The following SENP7 variants were observed in gnomAD, a reference collection of about 807,000 sequenced individuals.
SENP7 encodes sentrin-specific protease 7.
SENP7 carries 64 observed loss-of-function variants against 141.2 expected under a neutral mutation model. The observed-to-expected ratio is 0.45, with a 90% CI of 0.37 to 0.56. The LOEUF (loss-of-function observed/expected upper bound fraction) is 0.56. Among genes scored for constraint, SENP7 ranks in the 20% least tolerant of loss-of-function variants. SENP7 has a pLI of 0.00. For missense variants in SENP7, 1,025 were observed against 1,212.2 expected (o/e 0.85, Z 2.29); for synonymous variants, 382 against 426.4 (o/e 0.90, Z 1.28).
chr3:101,506,975 A>G (rs1255601263), intron 1 of SENP7, among the ~76,000 whole-genome samples: 1 of 151,552 alleles, frequency 6.6e-6, no homozygotes, highest in East Asian at 1.9e-4. Context: ...GTAGGAGGAT[A>G]GCCTGAGCCC....
intron 4 of SENP7, among the ~76,000 whole-genome samples, chr3:101,444,044 A>G (rs879719583): frequency 1.4e-5 from 2 of 143,718 alleles, no homozygotes. Flanking sequence ...CAAATTTACA[A>G]GAAAAAAACA....
chr3:101,365,044 A>T (rs1025151594), intron 9 of SENP7, 53 bp from the exon 10 acceptor site: 115 of 1,178,710 alleles, frequency 9.8e-5, no homozygotes, highest in African/African-American at 8.2e-4. Context: ...TTATTTATTT[A>T]TTTTTTGAGA....
At chr3:101,462,761 G>C (rs1576427831) in intron 3 of SENP7, among the ~76,000 whole-genome samples, 1 of 151,798 alleles carries the variant, frequency 6.6e-6, no homozygotes, top group South Asian at 2.1e-4. Flanking sequence ...CCAGCTACTG[G>C]GGAGGCTGAG....
chr3:101,349,017 C>G (rs149887003), intron 12 of SENP7, among the ~76,000 whole-genome samples: 1 of 152,154 alleles, frequency 6.6e-6, no homozygotes, highest in Non-Finnish European at 1.5e-5. Context: ...GTATCAGCAA[C>G]ATCTGGAAGA....
intron 6 of SENP7, among the ~76,000 whole-genome samples, chr3:101,381,872 T>G (rs1454431587): frequency 6.6e-6 from 1 of 152,218 alleles, no homozygotes; most frequent in Non-Finnish European, 1.5e-5. Context: ...TAGAGTATCT[T>G]CTTTAGTGTT....
At chr3:101,401,292 G>T (rs2061133848) in intron 5 of SENP7, among the ~76,000 whole-genome samples, 1 of 151,934 alleles carries the variant, frequency 6.6e-6, no homozygotes, top group Non-Finnish European at 1.5e-5. Context: ...ACTTAGGGAG[G>T]CTGAGGCAGG....
At chr3:101,507,060 CAA>C (rs11315312) in intron 1 of SENP7, among the ~76,000 whole-genome samples, 66 of 89,006 alleles carry the variant, frequency 7.4e-4, no homozygotes, top group Admixed American at 1.9e-3. Context: ...GATCCCATCT[CAA>C]AAAAAAAAAA....
At chr3:101,428,675 T>C (rs1236272980) in intron 4 of SENP7, among the ~76,000 whole-genome samples, 3 of 152,230 alleles carry the variant, frequency 2.0e-5, no homozygotes, top group Admixed American at 6.5e-5. Context: ...ATAGTTTCTT[T>C]TGCTGTGCAG....
intron 4 of SENP7, among the ~76,000 whole-genome samples, chr3:101,418,962 A>G (rs1194112356): frequency 2.0e-5 from 3 of 152,208 alleles, no homozygotes; most frequent in African/African-American, 7.2e-5. Context: ...CTACAAACAA[A>G]ATAGTTGAGT....
At chr3:101,337,078 A>G (rs1288786491) in intron 17 of SENP7, 1 of 152,416 alleles carries the variant, frequency 6.6e-6, no homozygotes, top group Non-Finnish European at 1.5e-5. Flanking sequence ...GCAGAGGAGG[A>G]AACTGCTATA....
rs183513818 is a variant in SENP7, at chr3:101,428,096, T to C, written c.285-10306A>G. 6.1e-4 allele frequency among the ~76,000 whole-genome samples: 93 copies of C among 152,378 alleles called. 1 individual carries two copies. Among genetic ancestry groups the C allele is most frequent in the African/African-American group, 2.0e-3 (85 of 41,590 alleles). ...CATGTTTTCTTTATCCAGTCTATCA[T>C]TGATGGGCATTCGGGTTGGTTCCAA... On this transcript the variant is annotated intron_variant, in intron 4 of 23. Coordinates refer to ENST00000394095, the MANE Select transcript of SENP7 (RefSeq NM_020654.5).
rs567641276 is a variant in SENP7 at position 101,341,478 on chromosome 3, T to A, written c.2240+168A>T. Among the ~76,000 whole-genome samples, 13 of 152,332 alleles carry A rather than the reference T, an allele frequency of 8.5e-5. 1 individual carries two copies. The East Asian group carries it at 2.5e-3, about 29-fold the overall frequency. On this transcript the variant is annotated intron_variant, in intron 15 of 23. Coordinates refer to ENST00000394095, the MANE Select transcript of SENP7 (RefSeq NM_020654.5). ...AAAATGGCACCTATTGTTTTCTTAA[T>A]AAATTTTTTAACTTCCTCATAATTT...
chr3:101,508,275 C>T (rs1452538074), intron 1 of SENP7, among the ~76,000 whole-genome samples: 1 of 152,040 alleles, frequency 6.6e-6, no homozygotes, highest in Non-Finnish European at 1.5e-5. Flanking sequence ...TTCTACATAT[C>T]TCCATTTCAG....
At chr3:101,407,554 A>C (rs553245679) in intron 5 of SENP7, among the ~76,000 whole-genome samples, 86 of 152,336 alleles carry the variant, frequency 5.6e-4, no homozygotes, top group African/African-American at 1.9e-3. Flanking sequence ...AAGCCTCAAT[A>C]AATTTGAGAA....
chr3:101,507,173 C>G (rs928851527), intron 1 of SENP7, among the ~76,000 whole-genome samples: 10 of 151,914 alleles, frequency 6.6e-5, no homozygotes, highest in Non-Finnish European at 4.4e-5. Flanking sequence ...CACACACGAA[C>G]TAGGATGAAG....
chr3:101,328,402 A>G, intron 22 of SENP7, 76 bp downstream of exon 22: 1 of 983,988 alleles, frequency 1.0e-6, no homozygotes, highest in Non-Finnish European at 1.6e-6. Flanking sequence ...TAGTCTTTTC[A>G]ATAATTCTGA....
chr3:101,501,162 T>A, intron 1 of SENP7, 43 bp from the exon 2 acceptor site: 1 of 1,279,140 alleles, frequency 7.8e-7, no homozygotes, highest in Non-Finnish European at 1.1e-6. Context: ...GTTTAACATC[T>A]AAATGAGATA....
intron 3 of SENP7, among the ~76,000 whole-genome samples, chr3:101,493,014 A>C (rs776820183): frequency 1.1e-4 from 17 of 152,174 alleles, no homozygotes; most frequent in South Asian, 2.1e-4. Flanking sequence ...CTTCCATGGT[A>C]GTTTAGATAA....
intron 11 of SENP7, among the ~76,000 whole-genome samples, chr3:101,356,846 G>T (rs1424314738): frequency 6.6e-6 from 1 of 152,062 alleles, no homozygotes; most frequent in Non-Finnish European, 1.5e-5. Context: ...CAAAATGTGT[G>T]CAATAAGATC....
Sources: gnomAD v4.1 joint callset for allele counts (sites outside exome capture counted in the v4.1 genomes callset) on GRCh38, gnomAD v4.1.1 for gene constraint, MANE v1.5 for transcripts, NCBI Gene and HGNC (gene_info 2026-07-23, HGNC 2026-07-21) for gene names.